EXOC4: variants seen among roughly 807,000 people sequenced by gnomAD.
EXOC4 encodes the protein SEC8-like 1.
A neutral mutation model predicts 107.2 loss-of-function variants in EXOC4; 71 were observed. The ratio of observed to expected loss-of-function variants is 0.66; its 90% CI spans 0.55 to 0.81. The LOEUF (loss-of-function observed/expected upper bound fraction) is 0.81, where lower values mean the gene tolerates loss of function less well. Among genes scored for constraint, EXOC4 ranks in the 30% least tolerant of loss-of-function variants. The pLI is 0.00. For synonymous variants in EXOC4, 456 were observed against 441.2 expected (o/e 1.03, Z -0.42); for missense variants, 1,108 against 1,189.6 (o/e 0.93, Z 1.01).
intron 11 of EXOC4, among the ~76,000 whole-genome samples, chr7:133,887,079 C>T (rs1276525012): frequency 6.6e-6 from 1 of 152,194 alleles, no homozygotes; most frequent in East Asian, 1.9e-4. Context: ...CCATGGCATT[C>T]TAATCATTCC....
At chr7:133,752,054 G>A (rs896959330) in intron 10 of EXOC4, among the ~76,000 whole-genome samples, 4 of 151,982 alleles carry the variant, frequency 2.6e-5, no homozygotes, top group Non-Finnish European at 4.4e-5. Flanking sequence ...CTAGCTACTT[G>A]GGAGAAAAAG....
At chr7:133,786,575 G>A (rs1418983971) in intron 10 of EXOC4, among the ~76,000 whole-genome samples, 1 of 152,244 alleles carries the variant, frequency 6.6e-6, no homozygotes, top group Non-Finnish European at 1.5e-5. Flanking sequence ...TGTGAGGAAA[G>A]CTCTCAAAGC....
chr7:134,012,052 A>G (rs1585320705), intron 17 of EXOC4, among the ~76,000 whole-genome samples: 1 of 152,316 alleles, frequency 6.6e-6, no homozygotes, highest in Middle Eastern at 3.4e-3. Context: ...GGATGAAGTG[A>G]GTGAGCAGGG....
intron 9 of EXOC4, among the ~76,000 whole-genome samples, chr7:133,498,120 C>G (rs1400866519): frequency 6.6e-6 from 1 of 152,124 alleles, no homozygotes; most frequent in Non-Finnish European, 1.5e-5. Flanking sequence ...CTCCTCCCTA[C>G]CACTCCCAAG....
intron 14 of EXOC4, among the ~76,000 whole-genome samples, chr7:133,948,611 C>T (rs1013078248): frequency 5.9e-5 from 9 of 152,134 alleles, no homozygotes; most frequent in African/African-American, 2.2e-4. Flanking sequence ...GTAACAGCCC[C>T]AAAGGATACT....
At chr7:133,364,187 C>T (rs4731947) in intron 6 of EXOC4, among the ~76,000 whole-genome samples, 1 of 151,972 alleles carries the variant, frequency 6.6e-6, no homozygotes, top group African/African-American at 2.4e-5. Context: ...ATGTAGAGGC[C>T]CAATCATCAT....
intron 10 of EXOC4, among the ~76,000 whole-genome samples, chr7:133,649,627 T>A (rs1363226349): frequency 1.3e-5 from 2 of 152,172 alleles, no homozygotes; most frequent in East Asian, 3.8e-4. Context: ...AGTCACCACC[T>A]TCTGTGTCAT....
At chr7:133,429,449 A>G (rs1797803232) in intron 7 of EXOC4, among the ~76,000 whole-genome samples, 1 of 152,214 alleles carries the variant, frequency 6.6e-6, no homozygotes, top group African/African-American at 2.4e-5. Context: ...TTGCGATATA[A>G]TTCACATATA....
chr7:133,682,430 T>G (rs1337672669), intron 10 of EXOC4, among the ~76,000 whole-genome samples: 1 of 152,192 alleles, frequency 6.6e-6, no homozygotes, highest in Non-Finnish European at 1.5e-5. Flanking sequence ...TTTTGCTTCT[T>G]TCTCCCTTTT....
chr7:133,392,698 G>C (rs1796880209), intron 7 of EXOC4, among the ~76,000 whole-genome samples: 1 of 152,208 alleles, frequency 6.6e-6, no homozygotes, highest in African/African-American at 2.4e-5. Flanking sequence ...AGAAGAGCTT[G>C]ACTCCTTATG....
intron 17 of EXOC4, among the ~76,000 whole-genome samples, chr7:134,039,628 G>A (rs1795468528): frequency 6.6e-6 from 1 of 152,098 alleles, no homozygotes; most frequent in South Asian, 2.1e-4. Flanking sequence ...CCCCCAGCTG[G>A]TCATATTGCT....
chr7:133,285,032 C>T lies in EXOC4; in HGVS notation c.277-3890C>T, dbSNP rs1171634282. 2.0e-5 allele frequency among the ~76,000 whole-genome samples: 3 copies of T among 152,100 alleles called. No homozygotes were observed. In the East Asian group the frequency reaches 5.8e-4, roughly 29 times the overall value. ...TTTTATTTTGAATGTTATATATTAA[C>T]TTCCAACTATGGAAGATGAGGACTT... On this transcript the variant is annotated intron_variant, in intron 2 of 17. Transcript: ENST00000253861.
At chr7:133,502,283 G>T (rs2150888653) in intron 9 of EXOC4, among the ~76,000 whole-genome samples, 1 of 152,244 alleles carries the variant, frequency 6.6e-6, no homozygotes, top group South Asian at 2.1e-4. Context: ...TGAAAGGACT[G>T]ATTCTTTGGT....
intron 9 of EXOC4, among the ~76,000 whole-genome samples, chr7:133,533,365 G>A (rs761327911): frequency 2.8e-4 from 43 of 152,078 alleles, no homozygotes; most frequent in Admixed American, 1.4e-3. Flanking sequence ...CTTAAGTGAT[G>A]GAATGACAGC....
chr7:133,572,125 G>A lies in EXOC4; in HGVS notation c.1418-57920G>A, dbSNP rs10232548. On this transcript the variant is annotated intron_variant, in intron 9 of 17. Coordinates refer to ENST00000253861, the MANE Select transcript of EXOC4 (RefSeq NM_021807.4). ...TATACAATGACTGTAATGAAAGTGT[G>A]GTAGTGTTTGTGAATAAAGAATTTA... is the stretch of plus-strand genomic sequence containing the variant. 9.5e-4 allele frequency among the ~76,000 whole-genome samples: 145 copies of A among 152,284 alleles called. 1 individual carries two copies. Among genetic ancestry groups the A allele is most frequent in the African/African-American group, 3.3e-3 (136 of 41,552 alleles).
At chr7:133,683,600 A>T (rs1042002894) in intron 10 of EXOC4, among the ~76,000 whole-genome samples, 1 of 152,162 alleles carries the variant, frequency 6.6e-6, no homozygotes, top group African/African-American at 2.4e-5. Flanking sequence ...GAATTATGAA[A>T]ATAATTTCTA....
chr7:133,865,929 A>G (rs528515256), intron 11 of EXOC4, among the ~76,000 whole-genome samples: 16 of 152,174 alleles, frequency 1.1e-4, no homozygotes, highest in Non-Finnish European at 1.9e-4. Flanking sequence ...ATCATTGTGA[A>G]CTTGGAGACA....
chr7:133,370,960 C>T (rs368295285), intron 6 of EXOC4, among the ~76,000 whole-genome samples: 5 of 151,958 alleles, frequency 3.3e-5, no homozygotes, highest in Admixed American at 2.0e-4. Flanking sequence ...TTTTTCATAA[C>T]GAAAGATGTA....
intron 17 of EXOC4, among the ~76,000 whole-genome samples, chr7:134,045,523 C>T (rs1337546312): frequency 2.0e-5 from 3 of 152,196 alleles, no homozygotes; most frequent in Non-Finnish European, 4.4e-5. Context: ...GATCAATCCT[C>T]ACAACAGTAT....
Sources: allele counts gnomAD v4.1 joint callset (sites outside exome capture counted in the v4.1 genomes callset), GRCh38; gene constraint gnomAD v4.1.1; transcripts MANE v1.5; gene names NCBI Gene and HGNC (gene_info 2026-07-23, HGNC 2026-07-21).